SYMPK: variants seen among roughly 807,000 people sequenced by gnomAD.
SYMPK encodes symplekin scaffold protein.
SYMPK carries 49 observed loss-of-function variants against 136.4 expected under a neutral mutation model. That is an observed-to-expected ratio of 0.36 (90% confidence interval 0.29 to 0.46). The LOEUF (loss-of-function observed/expected upper bound fraction) is 0.46, where lower values mean the gene tolerates loss of function less well. Among genes scored for constraint, SYMPK ranks in the 20% least tolerant of loss-of-function variants. The probability of loss-of-function intolerance (pLI) is 1.00; values close to 1 mark genes in which losing one functional copy is unlikely to be tolerated. For synonymous variants in SYMPK, 766 were observed against 713.0 expected, an observed-to-expected ratio of 1.07 and a Z score of -1.19; for missense variants, 1,365 against 1,690.0, an observed-to-expected ratio of 0.81 and a Z score of 3.37.
In SYMPK at chr19:45,829,200, G is replaced by A; in HGVS notation, c.1755C>T (p.Arg585=). ...AVACSGAAQV[R]IKILASLVTQ... is the part of the protein sequence containing the mutation. The stretch of plus-strand genomic sequence containing the variant: ...TCACCAGGCTGGCCAGGATCTTTAT[G>A]CGGACCTGGTGGGAGGGTGAGCCAG... Residue 585 remains arginine (R), a synonymous_variant, in exon 14 of 27, where the codon CGC becomes CGT. Coordinates refer to ENST00000245934, the MANE Select transcript of SYMPK (RefSeq NM_004819.3). The A allele has an allele frequency of 1.9e-6, 3 of 1,613,092 alleles. No individual in the cohort carries two copies. Among genetic ancestry groups the A allele is most frequent in the Non-Finnish European group, 1.7e-6 (2 of 1,179,154 alleles).
chr19:45,815,624 G>GC lies in SYMPK; in HGVS notation c.3760dup (p.Ala1254GlyfsTer54). The GC allele has an allele frequency of 3.1e-6, 5 of 1,607,942 alleles. No individual in the cohort carries two copies. The highest frequency in any genetic ancestry group is 3.4e-6 in the Non-Finnish European group (4 of 1,178,344). On this transcript the variant is annotated frameshift_variant, in exon 27 of 27. Transcript: ENST00000245934. LOFTEE classifies it high-confidence loss of function. ...GGCAGCCGGGCTGGGAGTCTTCATA[G>GC]CATCTTCTCCAACAGGTGCGAGGGT...
chr19:45,828,716 A>C, intron 14 of SYMPK: 1 of 545,044 alleles, frequency 1.8e-6, no homozygotes, highest in South Asian at 2.3e-5. Context: ...GGAGTGACAA[A>C]GCCACGCAGA....
chr19:45,821,460 C>T lies in SYMPK; in HGVS notation c.2817G>A (p.Pro939=), dbSNP rs147289776. Reference sequence around the variant, plus strand: ...CGATCAGGAGCTCTCCAGGGTTCAGCGGGGACAAGGCTGAGTTTCCCTCAC... The same window carrying T: ...CGATCAGGAGCTCTCCAGGGTTCAGTGGGGACAAGGCTGAGTTTCCCTCAC... The part of the protein sequence containing the change: ...QHGEGNSALS[P]LNPGELLIAL... Residue 939 remains proline, a synonymous_variant, in exon 22 of 27, where the codon CCG becomes CCA. Transcript: ENST00000245934. This position sits in a 1 kb window ranked among gnomAD's most constrained non-coding sequence, Gnocchi z 4.4. 5.6e-6 allele frequency: 9 copies of T among 1,613,688 alleles called. No homozygotes were observed. The highest frequency in any genetic ancestry group is 4.0e-5 in the African/African-American group (3 of 74,816).
At chr19:45,816,689 C>T (rs919437926) in intron 24 of SYMPK, 109 bp downstream of exon 24, 9 of 1,515,358 alleles carry the variant, frequency 5.9e-6, no homozygotes, top group Middle Eastern at 1.7e-4. Context: ...AGTGCAGGGC[C>T]TTCTTGTGTC....
intron 9 of SYMPK, among the ~76,000 whole-genome samples, chr19:45,840,493 G>A (rs778785998): frequency 7.2e-5 from 11 of 151,732 alleles, no homozygotes; most frequent in South Asian, 4.2e-4. Flanking sequence ...GTGAAGCCCC[G>A]TCTCTACTAA....
At chr19:45,846,903 C>T (rs556955496) in intron 7 of SYMPK, among the ~76,000 whole-genome samples, 7 of 151,878 alleles carry the variant, frequency 4.6e-5, no homozygotes, top group East Asian at 2.0e-4. Flanking sequence ...AAGCGATTCT[C>T]GTGCCTCAGC....
chr19:45,848,958 G>A (rs925664042), intron 5 of SYMPK, 82 bp from the exon 6 acceptor site: 2 of 1,537,062 alleles, frequency 1.3e-6, no homozygotes, highest in African/African-American at 1.4e-5. Context: ...GGAGGGAAGG[G>A]AAATCAGGGA....
At chr19:45,832,855 CAAAA>C (rs10561490) in intron 11 of SYMPK, among the ~76,000 whole-genome samples, 76 of 118,630 alleles carry the variant, frequency 6.4e-4, no homozygotes, top group African/African-American at 1.7e-3. Context: ...ACTAAAAATA[CAAAA>C]AAAAAAAAAA....
intron 11 of SYMPK, among the ~76,000 whole-genome samples, chr19:45,832,879 G>A (rs1971217347): frequency 6.8e-6 from 1 of 146,432 alleles, no homozygotes; most frequent in African/African-American, 2.6e-5. Context: ...AAAAAAATCA[G>A]CCAGGCATGG....
chr19:45,823,911 G>A, intron 18 of SYMPK, 36 bp from the exon 19 acceptor site: 1 of 1,568,802 alleles, frequency 6.4e-7, no homozygotes, highest in Non-Finnish European at 8.7e-7. Context: ...GACCCAGGGT[G>A]AGAGCTTAGG....
rs899101287 is a variant in SYMPK at position 45,823,574 on chromosome 19, G to A, written c.2600-102C>T. ...AGCAGGCAGGTGTGCAGGAAGGGAT[G>A]GCAACTTCACCCTTGGCTGCTCACG... On this transcript the variant is annotated intron_variant, in intron 19 of 26. Coordinates refer to ENST00000245934, the MANE Select transcript of SYMPK (RefSeq NM_004819.3). The A allele has an allele frequency of 5.2e-6, 6 of 1,158,950 alleles. No homozygotes were observed. The African/African-American group carries it at 9.1e-5, about 18-fold the overall frequency. 71.8% of individuals were successfully genotyped at this position (1,158,950 alleles called of 1,614,324 possible).
intron 13 of SYMPK, among the ~76,000 whole-genome samples, chr19:45,829,482 T>C (rs1971120776): frequency 1.3e-5 from 2 of 152,098 alleles, no homozygotes; most frequent in Non-Finnish European, 2.9e-5. Flanking sequence ...TCCTCAAAGA[T>C]TCCCCTCATT....
intron 1 of SYMPK, chr19:45,862,136 A>AT (rs1025524132): frequency 6.6e-6 from 1 of 151,912 alleles, no homozygotes; most frequent in African/African-American, 2.4e-5. Context: ...GTGTATAGAG[A>AT]TTTTCATCAT....
At chr19:45,844,002 AG>A in intron 8 of SYMPK, 27 bp downstream of exon 8, 3 of 975,382 alleles carry the variant, frequency 3.1e-6, no homozygotes, top group South Asian at 1.9e-5. Flanking sequence ...AAGAGAAGGC[AG>A]GGGGAGGGGG....
chr19:45,852,239 C>G, intron 5 of SYMPK, 73 bp downstream of exon 5: 1 of 1,544,016 alleles, frequency 6.5e-7, no homozygotes, highest in East Asian at 2.2e-5. Context: ...CAGTGGTGGC[C>G]TCCAGGCCAG....
intron 18 of SYMPK, chr19:45,824,243 C>T (rs1242307837): frequency 1.8e-5 from 4 of 227,342 alleles, no homozygotes; most frequent in Non-Finnish European, 2.7e-5. Context: ...GCGCAGCTGG[C>T]TTGGCTGCGA....
At chr19:45,861,068 CGGCAT>C (rs1037165875) in intron 1 of SYMPK, among the ~76,000 whole-genome samples, 10 of 152,140 alleles carry the variant, frequency 6.6e-5, no homozygotes, top group African/African-American at 1.9e-4. Context: ...ACCAGACAAC[CGGCAT>C]GGCATGCCGT....
At chr19:45,828,257 G>A (rs1337093703) in intron 14 of SYMPK, 1 of 306,184 alleles carries the variant, frequency 3.3e-6, no homozygotes, top group South Asian at 3.0e-5. Flanking sequence ...CCGCTTTGAA[G>A]TTACAGTTGA....
Position 45,829,103 on chromosome 19 carries a change from G to A in SYMPK, c.1852C>T (p.Leu618=), listed in dbSNP as rs1198900207. Residue 618 remains leucine (L), a synonymous_variant, in exon 14 of 27, where the codon CTG becomes TTG. Coordinates refer to ENST00000245934, the MANE Select transcript of SYMPK (RefSeq NM_004819.3). ...TCCTGGTAGAGCCAGGCGAAGGCCA[G>A]GTCCAGGCGGGCCCGCACATCCTCC... is the stretch of plus-strand genomic sequence containing the variant. ...ILEDVRARLD[L]AFAWLYQEYN... 1 of 1,614,228 alleles carries A rather than the reference G, an allele frequency of 6.2e-7. No homozygotes were observed. The highest frequency in any genetic ancestry group is 2.2e-5 in the East Asian group (1 of 44,890).
Sources: gnomAD v4.1 joint callset for allele counts (sites outside exome capture counted in the v4.1 genomes callset) on GRCh38, gnomAD v4.1.1 for gene constraint, Gnocchi (gnomAD v3.1) non-coding constraint, MANE v1.5 for transcripts, NCBI Gene and HGNC (gene_info 2026-07-23, HGNC 2026-07-21) for gene names.